DAB2IP: variants seen among roughly 807,000 people sequenced by gnomAD.
DAB2IP encodes the protein DAB2 interacting protein.
DAB2IP carries 28 observed loss-of-function variants against 107.2 expected under a neutral mutation model. The observed-to-expected ratio is 0.26, with a 90% CI of 0.19 to 0.36. The LOEUF (loss-of-function observed/expected upper bound fraction) is 0.36. DAB2IP is among the 10% of genes least tolerant of loss of function. The probability of loss-of-function intolerance (pLI) is 1.00; values close to 1 mark genes in which losing one functional copy is unlikely to be tolerated. For missense variants in DAB2IP, 1,400 were observed against 1,644.7 expected (o/e 0.85, Z 2.57); for synonymous variants, 755 against 706.4 (o/e 1.07, Z -1.09).
rs981467570 is a variant in DAB2IP, at chr9:121,736,788, T to A, written c.363-20225T>A. 1.3e-5 allele frequency among the ~76,000 whole-genome samples: 2 copies of A among 152,202 alleles called. No individual in the cohort carries two copies. The highest frequency in any genetic ancestry group is 2.4e-5 in the African/African-American group (1 of 41,450). On this transcript the variant is annotated intron_variant, in intron 3 of 15. Transcript: ENST00000408936. This position sits in a 1 kb window ranked among gnomAD's most constrained non-coding sequence, Gnocchi z 4.6. ...TCATTCATTCAGTACATCTGTCGAGTGTCTACTCTGTGCCAGGCTCTGGTT... is the reference window on the plus strand; with the variant it reads ...TCATTCATTCAGTACATCTGTCGAGAGTCTACTCTGTGCCAGGCTCTGGTT...
At position 121,736,333 on chromosome 9, in the gene DAB2IP, C is replaced by T. The variant is rs1031010409; in HGVS notation, c.363-20680C>T. ...CGGGCAAGTGAGGGGCTGGCGGGGCCGGTGGGGACCCAGACTCGCACGAAG... is the reference window on the plus strand; with the variant it reads ...CGGGCAAGTGAGGGGCTGGCGGGGCTGGTGGGGACCCAGACTCGCACGAAG... On this transcript the variant is annotated intron_variant, in intron 3 of 15. Coordinates refer to ENST00000408936, the Ensembl canonical transcript of DAB2IP. This position sits in a 1 kb window ranked among gnomAD's most constrained non-coding sequence, Gnocchi z 4.6. 1.2e-4 allele frequency among the ~76,000 whole-genome samples: 19 copies of T among 152,208 alleles called. No homozygotes were observed. Among genetic ancestry groups the T allele is most frequent in the Admixed American group, 8.5e-4 (13 of 15,296 alleles).
intron 1 of DAB2IP, among the ~76,000 whole-genome samples, chr9:121,582,684 T>C (rs879405798): frequency 6.6e-6 from 1 of 152,196 alleles, no homozygotes; most frequent in Non-Finnish European, 1.5e-5. Context: ...ATCTAGCTGT[T>C]GACAGCTCCT....
intron 1 of DAB2IP, among the ~76,000 whole-genome samples, chr9:121,571,622 G>A (rs926099997): frequency 9.2e-5 from 14 of 152,228 alleles, no homozygotes; most frequent in African/African-American, 2.4e-4. Context: ...AGCGCCTTTC[G>A]TCTAGTGAAG....
intron 8 of DAB2IP, among the ~76,000 whole-genome samples, chr9:121,765,175 C>T (rs995821634): frequency 1.3e-5 from 2 of 152,208 alleles, no homozygotes; most frequent in African/African-American, 4.8e-5. Flanking sequence ...GAACACACTT[C>T]CCATTCCCAG....
intron 1 of DAB2IP, among the ~76,000 whole-genome samples, chr9:121,577,129 C>T (rs760644691): frequency 9.9e-5 from 15 of 152,224 alleles, no homozygotes; most frequent in East Asian, 1.9e-4. Context: ...TTGTAGACTC[C>T]GCATCGCCCA....
At chr9:121,740,079 G>A (rs1832223607) in intron 3 of DAB2IP, among the ~76,000 whole-genome samples, 1 of 152,180 alleles carries the variant, frequency 6.6e-6, no homozygotes, top group Non-Finnish European at 1.5e-5. Context: ...AAAAGGAGGT[G>A]AGAAGGTGGC....
intron 3 of DAB2IP, among the ~76,000 whole-genome samples, chr9:121,722,760 G>C (rs565381880): frequency 6.6e-4 from 100 of 152,308 alleles, no homozygotes; most frequent in African/African-American, 2.4e-3. Flanking sequence ...AGTATCCTTT[G>C]AGCCCAGGAG....
chr9:121,660,541 T>C (rs1301085119), intron 1 of DAB2IP, among the ~76,000 whole-genome samples: 1 of 151,802 alleles, frequency 6.6e-6, no homozygotes, highest in African/African-American at 2.4e-5. Context: ...AGAGGGCAGG[T>C]GGAGAGGAGC....
intron 1 of DAB2IP, among the ~76,000 whole-genome samples, chr9:121,677,164 C>T (rs1833951034): frequency 1.3e-5 from 2 of 152,154 alleles, no homozygotes; most frequent in South Asian, 2.1e-4. Flanking sequence ...CTCTGTAGGC[C>T]TCCCAAGTTT....
At chr9:121,764,229 C>A (rs1834105958) in intron 8 of DAB2IP, among the ~76,000 whole-genome samples, 1 of 152,226 alleles carries the variant, frequency 6.6e-6, no homozygotes, top group Non-Finnish European at 1.5e-5. Context: ...AGGCTCCTCA[C>A]CTGTCCGTGG....
intron 1 of DAB2IP, among the ~76,000 whole-genome samples, chr9:121,568,225 A>G (rs902464652): frequency 4.6e-5 from 7 of 152,150 alleles, no homozygotes; most frequent in Non-Finnish European, 1.0e-4. Flanking sequence ...CACAGATTCA[A>G]GGCCAAATTT....
chr9:121,583,060 C>T (rs556155562), intron 1 of DAB2IP, among the ~76,000 whole-genome samples: 19 of 152,324 alleles, frequency 1.2e-4, no homozygotes, highest in Non-Finnish European at 2.2e-4. Flanking sequence ...GAAGGAGCCA[C>T]GAAAACAGAA....
intron 3 of DAB2IP, among the ~76,000 whole-genome samples, chr9:121,710,324 C>T (rs1434829659): frequency 6.6e-6 from 1 of 152,172 alleles, no homozygotes; most frequent in Admixed American, 6.5e-5. Flanking sequence ...CCCAAGGGCA[C>T]CCGGGGCTCT....
chr9:121,621,984 CTTT>C, intron 1 of DAB2IP, among the ~76,000 whole-genome samples: 1 of 99,712 alleles, frequency 1.0e-5, no homozygotes, highest in Admixed American at 1.1e-4. Flanking sequence ...TTTTTTCTTT[CTTT>C]TTTTTTTTTT....
At chr9:121,746,022 T>A (rs1269194234) in intron 3 of DAB2IP, among the ~76,000 whole-genome samples, 2 of 151,834 alleles carry the variant, frequency 1.3e-5, no homozygotes, top group Non-Finnish European at 2.9e-5. Flanking sequence ...GGTAAGGGGG[T>A]AGAGCAGGTG....
chr9:121,603,363 G>A (rs796267335), intron 1 of DAB2IP, among the ~76,000 whole-genome samples: 8 of 152,262 alleles, frequency 5.3e-5, no homozygotes, highest in Admixed American at 2.0e-4. Context: ...CCTACCAGCT[G>A]TGCTGCAGAC....
At chr9:121,666,997 G>A (rs1833468922) in intron 1 of DAB2IP, among the ~76,000 whole-genome samples, 1 of 151,936 alleles carries the variant, frequency 6.6e-6, no homozygotes, top group Admixed American at 6.6e-5. Flanking sequence ...AAGATTCCAT[G>A]ACTTGTTGCA....
chr9:121,567,190 T>C (rs1410311480), exon 1 of DAB2IP: 9 of 1,613,876 alleles, frequency 5.6e-6, no homozygotes, highest in South Asian at 3.3e-5. Flanking sequence ...CCACACGCCA[T>C]GGAGCCCGAC....
At chr9:121,712,180 G>A (rs1321270311) in intron 3 of DAB2IP, among the ~76,000 whole-genome samples, 4 of 152,234 alleles carry the variant, frequency 2.6e-5, no homozygotes, top group African/African-American at 9.6e-5. Flanking sequence ...GCTGGCTCTG[G>A]TGTGTCCACA....
Sources: gnomAD v4.1 joint callset for allele counts (sites outside exome capture counted in the v4.1 genomes callset) on GRCh38, gnomAD v4.1.1 for gene constraint, Gnocchi (gnomAD v3.1) non-coding constraint, MANE v1.5 for transcripts, NCBI Gene and HGNC (gene_info 2026-07-23, HGNC 2026-07-21) for gene names.